The following GPHN variants were observed in gnomAD, a reference collection of about 807,000 sequenced individuals.
GPHN encodes the protein gephyrin.
In GPHN, 17 loss-of-function variants were observed where a neutral mutation model predicts 95.5. That is an observed-to-expected ratio of 0.18 (90% CI 0.12 to 0.27). The LOEUF (loss-of-function observed/expected upper bound fraction) is 0.27, where lower values mean the gene tolerates loss of function less well. GPHN is among the 10% of genes least tolerant of loss of function. GPHN has a pLI of 1.00. For synonymous variants in GPHN, 320 were observed against 322.5 expected (o/e 0.99, Z 0.08); for missense variants, 660 against 978.1 (o/e 0.67, Z 4.34).
chr14:67,424,045 C>A, the GPHN span, among the ~76,000 whole-genome samples: 2 of 152,202 alleles, frequency 1.3e-5, no homozygotes, highest in East Asian at 3.9e-4. Context: ...CAAGACCAGC[C>A]TGACCAACAT....
At chr14:67,693,058 G>A in the GPHN span, 2 of 1,592,204 alleles carry the variant, frequency 1.3e-6, no homozygotes, top group South Asian at 2.2e-5. Context: ...TTTTCCTGCA[G>A]ACAGAGAAGG....
At chr14:67,661,727 T>A in the GPHN span, among the ~76,000 whole-genome samples, 1 of 149,152 alleles carries the variant, frequency 6.7e-6, no homozygotes, top group Non-Finnish European at 1.5e-5. Context: ...AGATGGGGGG[T>A]CTCCCTATGT....
At chr14:67,198,873 T>C in the GPHN span, 1 of 660,904 alleles carries the variant, frequency 1.5e-6, no homozygotes, top group East Asian at 2.9e-5. Flanking sequence ...TGAAATGAGT[T>C]CAATGATAGG....
chr14:66,662,524 A>C (rs1347461438), intron 1 of GPHN, among the ~76,000 whole-genome samples: 2 of 152,194 alleles, frequency 1.3e-5, no homozygotes, highest in African/African-American at 4.8e-5. Flanking sequence ...ATAAAGAATC[A>C]GCACAAGAAC....
chr14:66,585,247 T>C (rs1182314712), intron 1 of GPHN, among the ~76,000 whole-genome samples: 4 of 151,650 alleles, frequency 2.6e-5, no homozygotes, highest in Non-Finnish European at 5.9e-5. Flanking sequence ...CCCTTTGTTA[T>C]TTTTTGTCAC....
downstream of GPHN, among the ~76,000 whole-genome samples, chr14:67,184,384 A>G (rs1408240803): frequency 6.6e-6 from 1 of 152,168 alleles, no homozygotes; most frequent in Non-Finnish European, 1.5e-5. Context: ...GATAAACTAG[A>G]ATGGAAAGAA....
chr14:67,367,525 CA>C, the GPHN span, among the ~76,000 whole-genome samples: 2 of 145,858 alleles, frequency 1.4e-5, no homozygotes, highest in Non-Finnish European at 3.0e-5. Flanking sequence ...CACCACGCCC[CA>C]CCCCATCCAG....
the GPHN span, chr14:67,648,772 G>GCAAA: frequency 4.6e-5 from 7 of 152,186 alleles, no homozygotes; most frequent in Non-Finnish European, 1.0e-4. Context: ...ATACTTGTTT[G>GCAAA]CAAACAGTTT....
chr14:67,496,197 A>T, the GPHN span, among the ~76,000 whole-genome samples: 1 of 152,038 alleles, frequency 6.6e-6, no homozygotes, highest in African/African-American at 2.4e-5. Context: ...TCTTATTATT[A>T]TTTTTAAAAA....
chr14:67,572,046 C>T, the GPHN span: 2 of 1,499,810 alleles, frequency 1.3e-6, no homozygotes, highest in Admixed American at 2.0e-5. Flanking sequence ...GACCGGGTCC[C>T]GGGTGGGTGG....
At chr14:67,613,448 G>C in the GPHN span, 1 of 152,498 alleles carries the variant, frequency 6.6e-6, no homozygotes, top group African/African-American at 2.4e-5. Context: ...AGGATTTCTT[G>C]AGCCAGGAGT....
the GPHN span, among the ~76,000 whole-genome samples, chr14:67,558,136 C>A: frequency 1.4e-3 from 216 of 152,304 alleles, 2 homozygotes; most frequent in East Asian, 0.015. Context: ...CTGTGTCCTG[C>A]CTTCTCCCCT....
chr14:67,280,891 TTTTC>T, the GPHN span, among the ~76,000 whole-genome samples: 16 of 127,268 alleles, frequency 1.3e-4, no homozygotes, highest in South Asian at 1.9e-3. Flanking sequence ...CTTTTCTTTC[TTTTC>T]TTTCTTTCTT....
At chr14:67,055,486 CAG>C (rs2075516895) in intron 10 of GPHN, among the ~76,000 whole-genome samples, 1 of 152,168 alleles carries the variant, frequency 6.6e-6, no homozygotes, top group Non-Finnish European at 1.5e-5. Context: ...TTGTGGAAGA[CAG>C]TGTGGTGATT....
the GPHN span, among the ~76,000 whole-genome samples, chr14:67,284,442 A>AAAAAAAAAAAAAAAAAC: frequency 7.0e-6 from 1 of 142,768 alleles, no homozygotes; most frequent in Non-Finnish European, 1.6e-5. Context: ...AAAAAAAAAA[A>AAAAAAAAAAAAAAAAAC]AACAGCTGGG....
At chr14:66,996,299 T>G (rs2071790464) in intron 9 of GPHN, 5 of 935,526 alleles carry the variant, frequency 5.3e-6, no homozygotes, top group Non-Finnish European at 8.3e-6. Context: ...TCCTTTCGCC[T>G]TAATTTATTT....
intron 1 of GPHN, among the ~76,000 whole-genome samples, chr14:66,598,632 G>A (rs2062086014): frequency 6.6e-6 from 1 of 152,086 alleles, no homozygotes; most frequent in South Asian, 2.1e-4. Context: ...AGATCACGAG[G>A]TCAGGAGTTC....
chr14:66,553,626 G>T (rs932899579), intron 1 of GPHN, among the ~76,000 whole-genome samples: 6 of 152,116 alleles, frequency 3.9e-5, no homozygotes, highest in African/African-American at 1.4e-4. Context: ...CACCAGGCTG[G>T]AGTGCAGTGG....
the GPHN span, among the ~76,000 whole-genome samples, chr14:67,432,475 C>T: frequency 6.6e-6 from 1 of 152,192 alleles, no homozygotes; most frequent in African/African-American, 2.4e-5. Context: ...GAGTATTTAC[C>T]TTCCAGAATG....
Sources: allele counts gnomAD v4.1 joint callset (sites outside exome capture counted in the v4.1 genomes callset), GRCh38; gene constraint gnomAD v4.1.1; transcripts MANE v1.5; gene names NCBI Gene and HGNC (gene_info 2026-07-23, HGNC 2026-07-21).